TMEM72: variants seen among roughly 807,000 people sequenced by gnomAD.
The protein encoded by TMEM72 is kidney-specific secretory protein of 37 kDa.
A neutral mutation model predicts 16.3 loss-of-function variants in TMEM72; 9 were observed. The observed-to-expected ratio is 0.55, with a 90% CI of 0.33 to 0.96. The LOEUF (loss-of-function observed/expected upper bound fraction) is 0.96. Ranked by LOEUF, TMEM72 falls within the 40% of genes least tolerant of loss-of-function variation. The pLI is 0.03. For synonymous variants in TMEM72, 160 were observed against 146.5 expected, an observed-to-expected ratio of 1.09 and a Z score of -0.66; for missense variants, 324 against 337.8, an observed-to-expected ratio of 0.96 and a Z score of 0.32.
intron 1 of TMEM72, among the ~76,000 whole-genome samples, chr10:44,917,478 C>T (rs1174825322): frequency 6.6e-6 from 1 of 152,126 alleles, no homozygotes; most frequent in East Asian, 1.9e-4. Context: ...ACATTCTGAG[C>T]TTGGGTTGTG....
intron 1 of TMEM72, among the ~76,000 whole-genome samples, chr10:44,924,115 G>A (rs1431911936): frequency 6.6e-6 from 1 of 152,154 alleles, no homozygotes; most frequent in Non-Finnish European, 1.5e-5. Context: ...AGTCCCTTCT[G>A]CTCACGCTGC....
At chr10:44,927,467 C>G (rs550538346) in intron 1 of TMEM72, among the ~76,000 whole-genome samples, 1 of 117,534 alleles carries the variant, frequency 8.5e-6, no homozygotes, top group African/African-American at 3.4e-5. Flanking sequence ...CTGCCGCCAC[C>G]CCTCAGCAAG....
intron 1 of TMEM72, among the ~76,000 whole-genome samples, chr10:44,913,452 GCACACACACACA>G (rs35296531): frequency 6.7e-6 from 1 of 148,788 alleles, no homozygotes; most frequent in Non-Finnish European, 1.5e-5. Context: ...CCATGTGCAC[GCACACACACACA>G]CACACACACA....
intron 1 of TMEM72, among the ~76,000 whole-genome samples, chr10:44,925,838 T>C (rs547731162): frequency 2.0e-5 from 3 of 152,286 alleles, no homozygotes; most frequent in Admixed American, 6.5e-5. Flanking sequence ...GTGCTGATAA[T>C]AGGACATGGC....
Position 44,934,726 on chromosome 10 carries a change from C to G in TMEM72, c.420C>G (p.Pro140=), listed in dbSNP as rs762072858. The change falls in exon 5 of 5, where the codon CCC becomes CCG. Residue 140 remains proline, a synonymous_variant. Transcript: ENST00000389583. ...LSKRKKRKAA[P]EVLASPEQYT... is the part of the protein sequence containing the mutation. The stretch of plus-strand genomic sequence containing the variant: ...AGCGGAAGAAGAGGAAAGCTGCCCC[C>G]GAGGTGCTGGCCTCCCCAGAGCAGT... 2 of 1,611,856 alleles carry G rather than the reference C, an allele frequency of 1.2e-6. No individual in the cohort carries two copies. The highest frequency in any genetic ancestry group is 1.7e-6 in the Non-Finnish European group (2 of 1,179,404).
intron 1 of TMEM72, among the ~76,000 whole-genome samples, chr10:44,922,331 A>G (rs1189900712): frequency 6.6e-6 from 1 of 152,176 alleles, no homozygotes; most frequent in African/African-American, 2.4e-5. Flanking sequence ...TCTTCATTCA[A>G]GCCCCCACTA....
chr10:44,918,106 T>C (rs1405225475), intron 1 of TMEM72, among the ~76,000 whole-genome samples: 7 of 152,110 alleles, frequency 4.6e-5, no homozygotes, highest in Non-Finnish European at 1.0e-4. Flanking sequence ...GAATTCCTCT[T>C]TTTAAAACCA....
chr10:44,912,069 C>T (rs1839945449), intron 1 of TMEM72, among the ~76,000 whole-genome samples: 1 of 152,234 alleles, frequency 6.6e-6, no homozygotes, highest in Non-Finnish European at 1.5e-5. Flanking sequence ...CTGAGCCTGG[C>T]TGGACGTGGA....
chr10:44,922,510 C>A (rs1446397798), intron 1 of TMEM72, among the ~76,000 whole-genome samples: 1 of 152,222 alleles, frequency 6.6e-6, no homozygotes, highest in Non-Finnish European at 1.5e-5. Context: ...CCAGTACAGT[C>A]CAGTTAGCAC....
intron 1 of TMEM72, among the ~76,000 whole-genome samples, chr10:44,915,852 T>C (rs907337269): frequency 6.6e-6 from 1 of 152,094 alleles, no homozygotes; most frequent in Non-Finnish European, 1.5e-5. Flanking sequence ...TCTAGCCAAA[T>C]CTGCTCCTGG....
At chr10:44,922,579 T>C (rs1286385759) in intron 1 of TMEM72, among the ~76,000 whole-genome samples, 1 of 152,220 alleles carries the variant, frequency 6.6e-6, no homozygotes, top group Non-Finnish European at 1.5e-5. Context: ...GAGTGTTGGA[T>C]ACGGTTCACA....
intron 2 of TMEM72, 121 bp downstream of exon 2, chr10:44,928,108 G>A (rs1840229399): frequency 1.8e-6 from 2 of 1,118,872 alleles, no homozygotes; most frequent in Non-Finnish European, 2.6e-6. Flanking sequence ...CTATCTCAGG[G>A]GTGAAGGGAG....
chr10:44,934,808 A>G lies in TMEM72; in HGVS notation c.502A>G (p.Thr168Ala). Residue 168 changes from threonine (T) to alanine (A), a missense_variant, in exon 5 of 5, where the codon ACC becomes GCC. Physicochemically the swap from Thr to Ala is moderately conservative, Grantham distance 58. Transcript: ENST00000389583. ...CACCGGCTCTGGGGACACAGAGCAAACCTACACTTTCCATGGGGCCCTCAA... is the reference window on the plus strand; with the variant it reads ...CACCGGCTCTGGGGACACAGAGCAAGCCTACACTTTCCATGGGGCCCTCAA... ...STTGSGDTEQ[T>A]YTFHGALKEG... 2.5e-6 allele frequency: 4 copies of G among 1,613,568 alleles called. No homozygotes were observed. Among genetic ancestry groups the G allele is most frequent in the Admixed American group, 1.7e-5 (1 of 60,018 alleles).
At chr10:44,919,700 G>A (rs1840064319) in intron 1 of TMEM72, among the ~76,000 whole-genome samples, 1 of 152,162 alleles carries the variant, frequency 6.6e-6, no homozygotes, top group African/African-American at 2.4e-5. Flanking sequence ...TAAGACATCA[G>A]TTCTCCCCCA....
chr10:44,929,031 G>C (rs1375929511), intron 2 of TMEM72, among the ~76,000 whole-genome samples: 1 of 152,214 alleles, frequency 6.6e-6, no homozygotes, highest in Non-Finnish European at 1.5e-5. Flanking sequence ...TCACAGCACT[G>C]TAGGAGAAGG....
Position 44,934,853 on chromosome 10 carries a change from T to C in TMEM72, c.547T>C (p.Phe183Leu). The C allele has an allele frequency of 6.2e-7, 1 of 1,613,536 alleles. No individual in the cohort carries two copies. Among genetic ancestry groups the C allele is most frequent in the Non-Finnish European group, 8.5e-7 (1 of 1,179,962 alleles). Residue 183 changes from phenylalanine to leucine, a missense_variant, in exon 5 of 5, where the codon TTC becomes CTC. Coordinates refer to ENST00000389583, the MANE Select transcript of TMEM72 (RefSeq NM_001123376.3). ...CCTCAAGGAGGGGCCCAGCTCCCTT[T>C]TCATCCACATGAAGAGTATCCTGAA... ...GALKEGPSSL[F>L]IHMKSILKGT...
intron 1 of TMEM72, chr10:44,919,804 A>C (rs1840066503): frequency 6.6e-6 from 1 of 152,134 alleles, no homozygotes; most frequent in Admixed American, 6.5e-5. Flanking sequence ...CTTTTCCCAC[A>C]CTGTCTCTGA....
intron 2 of TMEM72, among the ~76,000 whole-genome samples, chr10:44,930,517 T>C (rs1840279348): frequency 6.6e-6 from 1 of 152,226 alleles, no homozygotes; most frequent in South Asian, 2.1e-4. Flanking sequence ...TATAATATAG[T>C]ACTTATTATA....
chr10:44,934,524 G>T (rs376162338), intron 4 of TMEM72, 132 bp from the exon 5 acceptor site: 8 of 885,730 alleles, frequency 9.0e-6, no homozygotes, highest in African/African-American at 3.4e-5. Flanking sequence ...AGGCAAGAGG[G>T]CCAGGGCCAC....
Sources: gnomAD v4.1 joint callset for allele counts (sites outside exome capture counted in the v4.1 genomes callset) on GRCh38, gnomAD v4.1.1 for gene constraint, MANE v1.5 for transcripts, NCBI Gene and HGNC (gene_info 2026-07-23, HGNC 2026-07-21) for gene names.